KLHDC4: variants seen among roughly 807,000 people sequenced by gnomAD.
The protein encoded by KLHDC4 is kelch domain containing 4.
KLHDC4 carries 90 observed loss-of-function variants against 62.4 expected under a neutral mutation model. The ratio of observed to expected loss-of-function variants is 1.44; its 90% confidence interval spans 1.22 to 1.72. The LOEUF is 1.72. Among genes scored for constraint, KLHDC4 ranks in the 40% most tolerant of loss-of-function variants. The pLI is 0.00. For synonymous variants in KLHDC4, 386 were observed against 284.4 expected (o/e 1.36, Z -3.59); for missense variants, 1,025 against 699.7 (o/e 1.47, Z -5.25).
At chr16:87,756,102 G>A (rs1018098827) in intron 3 of KLHDC4, 92 of 239,120 alleles carry the variant, frequency 3.8e-4, no homozygotes, top group African/African-American at 1.7e-4. Context: ...AAACCCGCTG[G>A]GAGGAAGAAC....
At chr16:87,757,179 C>A in intron 2 of KLHDC4, among the ~76,000 whole-genome samples, 1 of 151,718 alleles carries the variant, frequency 6.6e-6, no homozygotes, top group Non-Finnish European at 1.5e-5. Flanking sequence ...CTAAAAAGTC[C>A]AGTAACTAGG....
intron 4 of KLHDC4, among the ~76,000 whole-genome samples, chr16:87,749,156 T>C (rs568095566): frequency 1.3e-5 from 2 of 152,032 alleles, no homozygotes; most frequent in East Asian, 3.9e-4. Flanking sequence ...GTGTTTTCCT[T>C]TTATTAATAT....
intron 5 of KLHDC4, among the ~76,000 whole-genome samples, chr16:87,739,219 G>T (rs1417287594): frequency 8.4e-6 from 1 of 118,926 alleles, no homozygotes; most frequent in African/African-American, 3.5e-5. Context: ...CCACACACCA[G>T]CATCTCATCC....
At chr16:87,735,048 G>A (rs1375575486) in intron 5 of KLHDC4, among the ~76,000 whole-genome samples, 3 of 121,778 alleles carry the variant, frequency 2.5e-5, no homozygotes, top group African/African-American at 6.4e-5. Flanking sequence ...CCCCCCAGAC[G>A]AATTTCCTGA....
rs201304771 is a variant in KLHDC4, at chr16:87,755,309, G to A, written c.271-17C>T. The A allele has an allele frequency of 1.9e-4, 250 of 1,335,242 alleles. No homozygotes were observed. Among genetic ancestry groups the A allele is most frequent in the South Asian group, 3.2e-4 (27 of 84,628 alleles). The allele number at this position is 1,335,242 out of a possible 1,614,324, so 82.7% of individuals were successfully genotyped here. A position where few individuals can be genotyped will look rare whatever the true frequency, so the allele number is the denominator to read the frequency against. On this transcript the variant is annotated splice_polypyrimidine_tract_variant and intron_variant, in intron 3 of 11. Coordinates refer to ENST00000270583, the MANE Select transcript of KLHDC4 (RefSeq NM_017566.4). ...CAAAAAAGTCTACAGGAAGGAAGAA[G>A]AATGTCAGTGTCACAAATGATACGC... is the stretch of plus-strand genomic sequence containing the variant.
intron 2 of KLHDC4, among the ~76,000 whole-genome samples, chr16:87,761,564 T>C (rs1280035620): frequency 6.6e-6 from 1 of 152,256 alleles, no homozygotes; most frequent in African/African-American, 2.4e-5. Context: ...ACATGAGAAT[T>C]TGAAAGCATT....
intron 5 of KLHDC4, among the ~76,000 whole-genome samples, chr16:87,744,145 G>A (rs1183608826): frequency 1.3e-5 from 2 of 152,164 alleles, no homozygotes; most frequent in Non-Finnish European, 2.9e-5. Flanking sequence ...GCTGGGTACA[G>A]TGGCTCATGC....
At chr16:87,705,074 C>T (rs2034500540), downstream of KLHDC4, among the ~76,000 whole-genome samples, 1 of 151,972 alleles carries the variant, frequency 6.6e-6, no homozygotes, top group Admixed American at 6.5e-5. Flanking sequence ...GTCTGGGGGC[C>T]GTGTGGGAGG....
At chr16:87,755,526 T>C (rs2044738156) in intron 3 of KLHDC4, 11 of 396,320 alleles carry the variant, frequency 2.8e-5, no homozygotes, top group South Asian at 1.7e-4. Flanking sequence ...AAAGCCCTCG[T>C]TGTTATTAGG....
At chr16:87,746,195 A>C (rs1343538141) in intron 5 of KLHDC4, among the ~76,000 whole-genome samples, 1 of 152,182 alleles carries the variant, frequency 6.6e-6, no homozygotes, top group South Asian at 2.1e-4. Context: ...ACTTGAGCCC[A>C]GGAGTTTGAG....
At chr16:87,738,728 C>A (rs2041789073) in intron 5 of KLHDC4, among the ~76,000 whole-genome samples, 1 of 117,330 alleles carries the variant, frequency 8.5e-6, no homozygotes, top group Admixed American at 8.2e-5. Context: ...CACACCAGCA[C>A]CTCATCCATC....
intron 5 of KLHDC4, among the ~76,000 whole-genome samples, chr16:87,741,666 A>G (rs1472382498): frequency 6.6e-6 from 1 of 152,200 alleles, no homozygotes; most frequent in Non-Finnish European, 1.5e-5. Context: ...GATTATCAGC[A>G]TCCCAAAATA....
At chr16:87,751,849 G>A (rs543191657) in intron 4 of KLHDC4, among the ~76,000 whole-genome samples, 9 of 151,964 alleles carry the variant, frequency 5.9e-5, no homozygotes, top group East Asian at 3.9e-4. Context: ...CGAGGCGGGC[G>A]GATCACGAGG....
At chr16:87,749,984 A>G (rs9940714) in intron 4 of KLHDC4, among the ~76,000 whole-genome samples, 52,700 of 152,040 alleles carry the variant, frequency 0.35, 9,729 homozygotes, top group African/African-American at 0.48. Flanking sequence ...GCACTCCGGC[A>G]GCAGGGGATG....
chr16:87,745,299 G>A (rs1390757178), intron 5 of KLHDC4, among the ~76,000 whole-genome samples: 1 of 151,652 alleles, frequency 6.6e-6, no homozygotes, highest in Non-Finnish European at 1.5e-5. Flanking sequence ...ACCCGCCCCG[G>A]GGCCACCTCT....
At chr16:87,708,190 A>G (rs2035024634) in intron 11 of KLHDC4, 115 bp from the exon 12 acceptor site, 1 of 621,598 alleles carries the variant, frequency 1.6e-6, no homozygotes, top group Non-Finnish European at 2.9e-6. Flanking sequence ...CAAAGAGCCC[A>G]CAGGCACACG....
At chr16:87,721,202 C>T (rs1011499791) in intron 7 of KLHDC4, among the ~76,000 whole-genome samples, 2 of 152,132 alleles carry the variant, frequency 1.3e-5, no homozygotes, top group East Asian at 3.9e-4. Context: ...GGGCGGATCA[C>T]AAGGTCAGGA....
chr16:87,713,340 C>T (rs974910205), intron 8 of KLHDC4, among the ~76,000 whole-genome samples: 1 of 151,706 alleles, frequency 6.6e-6, no homozygotes, highest in Admixed American at 6.6e-5. Flanking sequence ...GCTGGAACTA[C>T]AGGCACACAC....
At chr16:87,740,994 C>G (rs192018547) in intron 5 of KLHDC4, 1 of 152,222 alleles carries the variant, frequency 6.6e-6, no homozygotes, top group Non-Finnish European at 1.5e-5. Context: ...AGCCCTCCAA[C>G]GAGGCACGGA....
Sources: gnomAD v4.1 joint callset for allele counts (sites outside exome capture counted in the v4.1 genomes callset) on GRCh38, gnomAD v4.1.1 for gene constraint, MANE v1.5 for transcripts, NCBI Gene and HGNC (gene_info 2026-07-23, HGNC 2026-07-21) for gene names.